MARCHF8: variants seen among roughly 807,000 people sequenced by gnomAD.
The protein encoded by MARCHF8 is E3 ubiquitin-protein ligase MARCHF8.
A neutral mutation model predicts 51.6 loss-of-function variants in MARCHF8; 40 were observed. The ratio of observed to expected loss-of-function variants is 0.77; its 90% CI spans 0.60 to 1.01. The LOEUF is 1.01. MARCHF8 is among the 50% of genes least tolerant of loss of function. MARCHF8 has a pLI of 0.00. For missense variants in MARCHF8, 685 were observed against 708.6 expected (o/e 0.97, Z 0.38); for synonymous variants, 263 against 280.3 (o/e 0.94, Z 0.62).
intron 3 of MARCHF8, among the ~76,000 whole-genome samples, chr10:45,466,687 C>T (rs1842979954): frequency 6.6e-6 from 1 of 152,122 alleles, no homozygotes; most frequent in African/African-American, 2.4e-5. Context: ...GAAGGCAAAC[C>T]CTGTTGGGAG....
chr10:45,526,789 A>C (rs959968914), intron 2 of MARCHF8, among the ~76,000 whole-genome samples: 1 of 152,186 alleles, frequency 6.6e-6, no homozygotes, highest in African/African-American at 2.4e-5. Context: ...AGATGTTTAT[A>C]TAACAAGCTA....
At chr10:45,557,849 T>G (rs2044269454) in intron 1 of MARCHF8, among the ~76,000 whole-genome samples, 1 of 152,162 alleles carries the variant, frequency 6.6e-6, no homozygotes, top group Non-Finnish European at 1.5e-5. Context: ...GCACACAGAC[T>G]CACAGGTGCC....
At chr10:45,584,649 A>C (rs1183110576) in intron 1 of MARCHF8, among the ~76,000 whole-genome samples, 1 of 152,174 alleles carries the variant, frequency 6.6e-6, no homozygotes, top group Non-Finnish European at 1.5e-5. Flanking sequence ...TCAAACACTA[A>C]TTTGAGTATA....
chr10:45,508,257 T>A (rs557600388), intron 2 of MARCHF8, among the ~76,000 whole-genome samples: 1 of 149,842 alleles, frequency 6.7e-6, no homozygotes, highest in South Asian at 2.1e-4. Context: ...AAATTTGAGA[T>A]ACTTTTGGGA....
At chr10:45,460,394 A>G (rs1314130913) in intron 6 of MARCHF8, among the ~76,000 whole-genome samples, 1 of 152,180 alleles carries the variant, frequency 6.6e-6, no homozygotes. Flanking sequence ...TGAGGCTACC[A>G]TCGCTCCACT....
At chr10:45,501,539 A>C (rs1203839942) in intron 2 of MARCHF8, among the ~76,000 whole-genome samples, 1 of 152,116 alleles carries the variant, frequency 6.6e-6, no homozygotes, top group South Asian at 2.1e-4. Context: ...TAAAACCATA[A>C]AACATTTTAA....
chr10:45,532,711 C>G (rs2043906870), intron 2 of MARCHF8, among the ~76,000 whole-genome samples: 1 of 152,202 alleles, frequency 6.6e-6, no homozygotes, highest in Admixed American at 6.5e-5. Flanking sequence ...ACCACCCAGG[C>G]TATGGCATTT....
rs958493639 is a variant in MARCHF8, at chr10:45,455,324, C to A, written c.*2915G>T. The A allele has an allele frequency of 1.3e-5, 2 of 152,238 alleles. No homozygotes were observed. The highest frequency in any genetic ancestry group is 2.9e-5 in the Non-Finnish European group (2 of 68,064). The allele number at this position is 152,238 out of a possible 1,614,324, so 9.4% of individuals were successfully genotyped here. ...GAAATTCTCACAATAAACTTGGGCA[C>A]AAAGACCAAATTGCTGAGGCCAGAA... On this transcript the variant is annotated 3_prime_UTR_variant, in exon 8 of 8. Transcript: ENST00000453424.
chr10:45,568,923 G>A (rs1230936764), intron 1 of MARCHF8, among the ~76,000 whole-genome samples: 3 of 151,266 alleles, frequency 2.0e-5, no homozygotes, highest in African/African-American at 7.3e-5. Flanking sequence ...AAAAAAGCCG[G>A]GTGTGGTAGT....
chr10:45,560,578 T>C (rs2044299032), intron 1 of MARCHF8, among the ~76,000 whole-genome samples: 1 of 152,212 alleles, frequency 6.6e-6, no homozygotes, highest in South Asian at 2.1e-4. Context: ...CTGCTGACTC[T>C]TTACAGCACC....
chr10:45,561,745 CA>C (rs1293838232), intron 1 of MARCHF8, among the ~76,000 whole-genome samples: 5 of 149,472 alleles, frequency 3.3e-5, no homozygotes, highest in Admixed American at 2.0e-4. Context: ...CTAAAAAATA[CA>C]AAAAATTAGC....
chr10:45,559,041 G>C (rs902157878), intron 1 of MARCHF8, among the ~76,000 whole-genome samples: 2 of 152,164 alleles, frequency 1.3e-5, no homozygotes, highest in African/African-American at 4.8e-5. Flanking sequence ...TTAAGATGTA[G>C]TAATTTATGG....
intron 2 of MARCHF8, among the ~76,000 whole-genome samples, chr10:45,522,767 A>G (rs191332708): frequency 9.8e-5 from 15 of 152,348 alleles, no homozygotes; most frequent in Admixed American, 8.5e-4. Flanking sequence ...TTCAGAAACA[A>G]ACATGAAAAA....
intron 3 of MARCHF8, among the ~76,000 whole-genome samples, chr10:45,472,334 C>T (rs991953691): frequency 2.0e-5 from 3 of 152,212 alleles, no homozygotes; most frequent in Non-Finnish European, 2.9e-5. Flanking sequence ...GAAGCTGTTG[C>T]TGATTGGTCT....
chr10:45,463,860 A>T lies in MARCHF8; in HGVS notation c.379T>A (p.Ser127Thr). 3 of 1,540,184 alleles carry T rather than the reference A, an allele frequency of 1.9e-6. No homozygotes were observed. The highest frequency in any genetic ancestry group is 2.6e-6 in the Non-Finnish European group (3 of 1,146,974). Residue 127 changes from serine (S) to threonine (T), a missense_variant, in exon 5 of 8, where the codon TCA (serine) becomes ACA (threonine). By Grantham distance (58) the Ser-to-Thr change is moderately conservative. Coordinates refer to ENST00000453424, the MANE Select transcript of MARCHF8 (RefSeq NM_001282866.2). The stretch of plus-strand genomic sequence containing the variant: ...TCTGAACCAAAGGAATTTCTCTTTG[A>T]CGCCTGTAATGTGTCCTTACAGATA... ...TVICKDTLQA[S>T]KRNSFGSEWA...
At chr10:45,488,646 A>T (rs4949003) in intron 3 of MARCHF8, among the ~76,000 whole-genome samples, 1 of 152,026 alleles carries the variant, frequency 6.6e-6, no homozygotes, top group East Asian at 1.9e-4. Flanking sequence ...CCCTGGCGCC[A>T]AGGTTCTCTA....
rs1301407366 is a variant in MARCHF8 at position 45,455,461 on chromosome 10, GC to G, written c.*2777del. ...CCCTTCCCTGGCCTACAAATACCAG[GC>G]CTCCTGGCCCTGAGACCTCATTCTG... is the stretch of plus-strand genomic sequence containing the variant. On this transcript the variant is annotated 3_prime_UTR_variant, in exon 8 of 8. Transcript: ENST00000453424. 6.6e-6 allele frequency: 1 copy of G among 151,788 alleles called. No individual in the cohort carries two copies. The highest frequency in any genetic ancestry group is 2.4e-5 in the African/African-American group (1 of 41,196). 9.4% of individuals were successfully genotyped at this position (151,788 alleles called of 1,614,324 possible).
intron 1 of MARCHF8, among the ~76,000 whole-genome samples, chr10:45,545,327 G>T (rs765982262): frequency 6.6e-6 from 1 of 152,142 alleles, no homozygotes; most frequent in Non-Finnish European, 1.5e-5. Flanking sequence ...GAGACAGCAG[G>T]CAAAAATGGC....
chr10:45,551,606 G>A (rs1356000276), intron 1 of MARCHF8, among the ~76,000 whole-genome samples: 1 of 152,002 alleles, frequency 6.6e-6, no homozygotes, highest in Non-Finnish European at 1.5e-5. Context: ...CCAATCAGTT[G>A]AAGGCCTTAA....
Sources: gnomAD v4.1 joint callset for allele counts (sites outside exome capture counted in the v4.1 genomes callset) on GRCh38, gnomAD v4.1.1 for gene constraint, MANE v1.5 for transcripts, NCBI Gene and HGNC (gene_info 2026-07-23, HGNC 2026-07-21) for gene names.